Variants in LINGO2 observed in about 807,000 individuals in gnomAD.
LINGO2 encodes the protein leucine-rich repeat and immunoglobulin-like domain-containing nogo receptor-interacting protein 2.
A neutral mutation model predicts 30.6 loss-of-function variants in LINGO2; 14 were observed. The observed-to-expected ratio is 0.46, with a 90% CI of 0.30 to 0.72. The LOEUF is 0.72. Ranked by LOEUF, LINGO2 falls within the 30% of genes least tolerant of loss-of-function variation. The probability of loss-of-function intolerance (pLI) is 0.07; values close to 1 mark genes in which losing one functional copy is unlikely to be tolerated. For missense variants in LINGO2, 729 were observed against 751.7 expected, an observed-to-expected ratio of 0.97 and a Z score of 0.35; for synonymous variants, 317 against 288.5, an observed-to-expected ratio of 1.10 and a Z score of -1.00.
chr9:28,714,779 G>A, the LINGO2 span, among the ~76,000 whole-genome samples: 3 of 151,932 alleles, frequency 2.0e-5, no homozygotes, highest in Admixed American at 6.6e-5. Context: ...TAAAATAATT[G>A]TTTATTATAG....
chr9:28,945,799 C>T, the LINGO2 span, among the ~76,000 whole-genome samples: 2 of 152,230 alleles, frequency 1.3e-5, no homozygotes, highest in South Asian at 4.1e-4. Flanking sequence ...GGAACATTGT[C>T]ATACAGGTTA....
intron 1 of LINGO2, among the ~76,000 whole-genome samples, chr9:28,636,871 G>A (rs1422871765): frequency 6.6e-6 from 1 of 152,104 alleles, no homozygotes; most frequent in Admixed American, 6.5e-5. Flanking sequence ...ACTGCTTTTG[G>A]TGTTTTAGAC....
chr9:28,154,346 T>A (rs1378093952), intron 4 of LINGO2, among the ~76,000 whole-genome samples: 1 of 152,192 alleles, frequency 6.6e-6, no homozygotes, highest in Non-Finnish European at 1.5e-5. Context: ...CACCCCCTTC[T>A]CTGTTGGGCC....
At chr9:28,014,567 G>GT (rs367853272) in intron 4 of LINGO2, among the ~76,000 whole-genome samples, 5 of 77,724 alleles carry the variant, frequency 6.4e-5, no homozygotes, top group African/African-American at 1.9e-4. Flanking sequence ...TCCAGGATAA[G>GT]ACAATTAACA....
intron 5 of LINGO2, among the ~76,000 whole-genome samples, chr9:27,987,624 T>C (rs1396626771): frequency 2.6e-5 from 4 of 151,904 alleles, no homozygotes; most frequent in Non-Finnish European, 5.9e-5. Flanking sequence ...CTCACTATGG[T>C]CAACTATTTT....
chr9:28,876,761 T>C, the LINGO2 span, among the ~76,000 whole-genome samples: 1 of 152,186 alleles, frequency 6.6e-6, no homozygotes, highest in Non-Finnish European at 1.5e-5. Flanking sequence ...TTTGGGTATA[T>C]ACCCAGTAAT....
intron 5 of LINGO2, among the ~76,000 whole-genome samples, chr9:27,973,382 C>T (rs759366252): frequency 2.0e-5 from 3 of 152,134 alleles, no homozygotes; most frequent in Non-Finnish European, 4.4e-5. Context: ...TGTTCATGAA[C>T]AATTTCAGGT....
intron 4 of LINGO2, among the ~76,000 whole-genome samples, chr9:28,048,891 TTA>T (rs1824545847): frequency 6.6e-6 from 1 of 150,836 alleles, no homozygotes; most frequent in Non-Finnish European, 1.5e-5. Flanking sequence ...ACATATATAG[TTA>T]TGTTTATGCA....
the LINGO2 span, among the ~76,000 whole-genome samples, chr9:28,764,327 T>C: frequency 6.6e-6 from 1 of 151,880 alleles, no homozygotes; most frequent in East Asian, 1.9e-4. Flanking sequence ...CTGGGGTTTA[T>C]TTCTGGGATG....
At chr9:28,797,059 T>C in the LINGO2 span, among the ~76,000 whole-genome samples, 1 of 151,482 alleles carries the variant, frequency 6.6e-6, no homozygotes, top group African/African-American at 2.4e-5. Context: ...AATTGAGTGG[T>C]GTATTCAAGA....
At chr9:28,517,197 G>T (rs1045248903) in intron 1 of LINGO2, among the ~76,000 whole-genome samples, 1 of 152,106 alleles carries the variant, frequency 6.6e-6, no homozygotes, top group Non-Finnish European at 1.5e-5. Context: ...AGTATAAGTG[G>T]TGTGACTTAA....
chr9:28,604,156 GTGGTGA>G (rs1228603159), intron 1 of LINGO2, among the ~76,000 whole-genome samples: 1 of 152,002 alleles, frequency 6.6e-6, no homozygotes. Context: ...CAAACTCACT[GTGGTGA>G]TACGCAAACT....
the LINGO2 span, among the ~76,000 whole-genome samples, chr9:29,013,354 C>T: frequency 6.6e-6 from 1 of 151,288 alleles, no homozygotes; most frequent in Non-Finnish European, 1.5e-5. Flanking sequence ...GCAACTTATA[C>T]CTTAAGAGAG....
chr9:28,498,062 GC>G (rs1819718180), intron 1 of LINGO2, among the ~76,000 whole-genome samples: 1 of 152,150 alleles, frequency 6.6e-6, no homozygotes, highest in African/African-American at 2.4e-5. Flanking sequence ...GTGTCAGTCT[GC>G]CCCTACTCGG....
At chr9:28,798,170 A>C in the LINGO2 span, among the ~76,000 whole-genome samples, 3 of 152,150 alleles carry the variant, frequency 2.0e-5, no homozygotes, top group Non-Finnish European at 4.4e-5. Context: ...AAGGTAAGAA[A>C]AGATATAGGT....
the LINGO2 span, among the ~76,000 whole-genome samples, chr9:28,750,808 A>T: frequency 2.0e-5 from 3 of 152,092 alleles, no homozygotes; most frequent in African/African-American, 7.3e-5. Context: ...TTTGGCACAT[A>T]CTTTGTGGAA....
the LINGO2 span, among the ~76,000 whole-genome samples, chr9:29,114,078 T>TC: frequency 6.6e-6 from 1 of 151,980 alleles, no homozygotes; most frequent in East Asian, 1.9e-4. Context: ...TCATTAGGTA[T>TC]CCCCCTTAAA....
intron 5 of LINGO2, among the ~76,000 whole-genome samples, chr9:27,984,024 A>C: frequency 6.6e-6 from 1 of 151,878 alleles, no homozygotes; most frequent in African/African-American, 2.4e-5. Context: ...AGAGAAAACA[A>C]GGGCTGTGGA....
chr9:28,179,485 A>T (rs563578284), intron 4 of LINGO2, among the ~76,000 whole-genome samples: 1 of 137,336 alleles, frequency 7.3e-6, no homozygotes, highest in Non-Finnish European at 1.5e-5. Context: ...TATAGTTTAT[A>T]GTATATATAC....
Sources: gnomAD v4.1 joint callset for allele counts (sites outside exome capture counted in the v4.1 genomes callset) on GRCh38, gnomAD v4.1.1 for gene constraint, MANE v1.5 for transcripts, NCBI Gene and HGNC (gene_info 2026-07-23, HGNC 2026-07-21) for gene names.